Variants in SYNGR1 observed in about 807,000 individuals in gnomAD.
The protein encoded by SYNGR1 is synaptogyrin 1.
Under a neutral mutation model 26.1 loss-of-function variants are expected in SYNGR1, and 14 were observed. The observed-to-expected ratio is 0.54, with a 90% CI of 0.35 to 0.84. The LOEUF (loss-of-function observed/expected upper bound fraction) is 0.84, where lower values mean the gene tolerates loss of function less well. Ranked by LOEUF, SYNGR1 falls within the 40% of genes least tolerant of loss-of-function variation. SYNGR1 has a pLI of 0.01. For synonymous variants in SYNGR1, 141 were observed against 150.1 expected, an observed-to-expected ratio of 0.94 and a Z score of 0.44; for missense variants, 319 against 332.9, an observed-to-expected ratio of 0.96 and a Z score of 0.33.
chr22:39,369,388 A>G (rs1006674611), intron 1 of SYNGR1, among the ~76,000 whole-genome samples: 1 of 152,134 alleles, frequency 6.6e-6, no homozygotes, highest in Non-Finnish European at 1.5e-5. Context: ...TCCTGACTTC[A>G]CAGGCGCTCC....
At chr22:39,351,941 A>T (rs1042429114) in intron 1 of SYNGR1, among the ~76,000 whole-genome samples, 1 of 152,182 alleles carries the variant, frequency 6.6e-6, no homozygotes, top group Non-Finnish European at 1.5e-5. Flanking sequence ...AGGGGAGAGG[A>T]CGTGGAAAGC....
At position 39,381,998 on chromosome 22, in the gene SYNGR1, C is replaced by T. The variant is rs1925516518; in HGVS notation, c.*84C>T. 1 of 1,434,594 alleles carries T rather than the reference C, an allele frequency of 7.0e-7. No individual in the cohort carries two copies. The highest frequency in any genetic ancestry group is 1.4e-5 in the African/African-American group (1 of 71,078). The allele number at this position is 1,434,594 out of a possible 1,614,324, so 88.9% of individuals were successfully genotyped here. A position where few individuals can be genotyped will look rare whatever the true frequency, so the allele number is the denominator to read the frequency against. On this transcript the variant is annotated 3_prime_UTR_variant, in exon 4 of 4. Coordinates refer to ENST00000328933, the MANE Select transcript of SYNGR1 (RefSeq NM_004711.5). Reference sequence around the variant, plus strand: ...CCCTGCTCCTGCCCAGGCTGCCCTGCCCAGCGCCTCATCAGCCTCTGCCTT... The same window carrying T: ...CCCTGCTCCTGCCCAGGCTGCCCTGTCCAGCGCCTCATCAGCCTCTGCCTT...
intron 1 of SYNGR1, among the ~76,000 whole-genome samples, chr22:39,366,223 A>G (rs1027970189): frequency 3.9e-4 from 58 of 150,372 alleles, no homozygotes; most frequent in Non-Finnish European, 7.4e-5. Context: ...ACTCACCCTC[A>G]AGTGATCCAC....
At chr22:39,357,898 C>G (rs1474412904) in intron 1 of SYNGR1, among the ~76,000 whole-genome samples, 1 of 152,268 alleles carries the variant, frequency 6.6e-6, no homozygotes, top group East Asian at 1.9e-4. Context: ...CCATGGGCTC[C>G]TGTGCGGCCC....
At chr22:39,364,440 G>T in intron 1 of SYNGR1, 2 of 1,395,672 alleles carry the variant, frequency 1.4e-6, no homozygotes. Context: ...GATGATTTAG[G>T]TGCCTTCTTC....
chr22:39,358,637 C>T (rs1480402101), intron 1 of SYNGR1, among the ~76,000 whole-genome samples: 4 of 152,068 alleles, frequency 2.6e-5, no homozygotes, highest in African/African-American at 9.7e-5. Context: ...AGCAAGACCA[C>T]GAACCCACCA....
chr22:39,371,385 A>C (rs58799742), intron 1 of SYNGR1, among the ~76,000 whole-genome samples: 5 of 151,452 alleles, frequency 3.3e-5, no homozygotes, highest in African/African-American at 1.2e-4. Context: ...CTGAGGCAGG[A>C]GAATCGCTTG....
At chr22:39,356,156 T>C (rs1331420100) in intron 1 of SYNGR1, among the ~76,000 whole-genome samples, 1 of 152,136 alleles carries the variant, frequency 6.6e-6, no homozygotes, top group Non-Finnish European at 1.5e-5. Flanking sequence ...AGCCTCCACC[T>C]TCCAAATTCA....
intron 1 of SYNGR1, among the ~76,000 whole-genome samples, chr22:39,368,526 C>T (rs187804840): frequency 1.3e-5 from 2 of 152,350 alleles, no homozygotes; most frequent in Non-Finnish European, 1.5e-5. Flanking sequence ...CATACGGCCC[C>T]GCCCAGTCCC....
Position 39,384,460 on chromosome 22 carries a change from C to G in SYNGR1, c.*2546C>G. The G allele has an allele frequency of 2.5e-6, 1 of 398,480 alleles. No individual in the cohort carries two copies. The allele number at this position is 398,480 out of a possible 1,614,324, so 24.7% of individuals were successfully genotyped here. On this transcript the variant is annotated 3_prime_UTR_variant, in exon 4 of 4. Transcript: ENST00000328933. Reference sequence around the variant, plus strand: ...CAGAAGCCCTTCCAGGCATGATCTTCCCCATCAGGCTGGGCTCTGGCAGGG... The same window carrying G: ...CAGAAGCCCTTCCAGGCATGATCTTGCCCATCAGGCTGGGCTCTGGCAGGG...
intron 1 of SYNGR1, among the ~76,000 whole-genome samples, chr22:39,354,843 T>TAA (rs137704): frequency 0.6 from 85,281 of 141,052 alleles, 27,088 homozygotes; most frequent in East Asian, 0.98. Flanking sequence ...CTGTCTCAAA[T>TAA]AAAAAAAAAA....
chr22:39,352,601 C>T (rs888074256), intron 1 of SYNGR1, among the ~76,000 whole-genome samples: 2 of 152,160 alleles, frequency 1.3e-5, no homozygotes, highest in African/African-American at 4.8e-5. Flanking sequence ...GCCATTTAAA[C>T]ACATCAGGAG....
In SYNGR1 at chr22:39,384,786, G is replaced by A. The variant is rs1044251226; in HGVS notation, c.*2872G>A. The A allele has an allele frequency of 1.3e-4, 52 of 399,142 alleles. No individual in the cohort carries two copies. The highest frequency in any genetic ancestry group is 1.5e-4 in the Non-Finnish European group (35 of 226,076). 24.7% of individuals were successfully genotyped at this position (399,142 alleles called of 1,614,324 possible). On this transcript the variant is annotated 3_prime_UTR_variant, in exon 4 of 4. Transcript: ENST00000328933. ...CACAAGAGAGGGCCCAGGAAAAAAG[G>A]TTTCACATAAGTGTAGAGTCGCAAG...
chr22:39,365,780 C>G (rs543218022), intron 1 of SYNGR1, among the ~76,000 whole-genome samples: 1 of 152,146 alleles, frequency 6.6e-6, no homozygotes, highest in South Asian at 2.1e-4. Flanking sequence ...GCTCTGCTCC[C>G]CATTATCATC....
rs575643303 is a variant in SYNGR1 at position 39,377,623 on chromosome 22, G to A, written c.483+1426G>A. 65 of 1,614,018 alleles carry A rather than the reference G, an allele frequency of 4.0e-5. 1 individual carries two copies. The South Asian group carries it at 4.9e-4, about 12-fold the overall frequency. On this transcript the variant is annotated intron_variant, in intron 3 of 3. Coordinates refer to ENST00000328933, the MANE Select transcript of SYNGR1 (RefSeq NM_004711.5). ...AGCCTGACCGCAGCCCTGGCCGTGC[G>A]GAGATTCAAGGACCTAAGCTTCCAG...
chr22:39,353,896 G>A (rs536140663), intron 1 of SYNGR1, among the ~76,000 whole-genome samples: 5 of 152,192 alleles, frequency 3.3e-5, no homozygotes, highest in Admixed American at 6.5e-5. Context: ...ATGGAGTCTC[G>A]CTCTGTCTCC....
At chr22:39,364,352 C>T in intron 1 of SYNGR1, 1 of 1,613,148 alleles carries the variant, frequency 6.2e-7, no homozygotes, top group Non-Finnish European at 8.5e-7. Context: ...TGAGCCTTAG[C>T]CTCCCTGACT....
chr22:39,371,995 A>G (rs538337230), intron 1 of SYNGR1, among the ~76,000 whole-genome samples: 3 of 152,188 alleles, frequency 2.0e-5, no homozygotes, highest in African/African-American at 7.2e-5. Context: ...TTGTTATCTG[A>G]CAGTTTCTGT....
chr22:39,361,356 CTTTT>C (rs71326762), intron 1 of SYNGR1, among the ~76,000 whole-genome samples: 25 of 122,304 alleles, frequency 2.0e-4, no homozygotes, highest in Middle Eastern at 4.5e-3. Flanking sequence ...TAACCCTGCC[CTTTT>C]TTTTTTTTTT....
Sources: allele counts gnomAD v4.1 joint callset (sites outside exome capture counted in the v4.1 genomes callset), GRCh38; gene constraint gnomAD v4.1.1; transcripts MANE v1.5; gene names NCBI Gene and HGNC (gene_info 2026-07-23, HGNC 2026-07-21).